Variants in NCF2 observed in about 807,000 individuals in gnomAD.
The protein encoded by NCF2 is neutrophil cytosol factor 2.
In NCF2, 45 loss-of-function variants were observed where a neutral mutation model predicts 70.9. The ratio of observed to expected loss-of-function variants is 0.63; its 90% CI spans 0.50 to 0.81. The LOEUF (loss-of-function observed/expected upper bound fraction) is 0.81. NCF2 is among the 40% of genes least tolerant of loss of function. NCF2 has a pLI of 0.00. For missense variants in NCF2, 522 were observed against 631.6 expected, an observed-to-expected ratio of 0.83 and a Z score of 1.86; for synonymous variants, 203 against 233.6, an observed-to-expected ratio of 0.87 and a Z score of 1.19.
Position 183,560,162 on chromosome 1 carries a change from A to C in NCF2, c.1402T>G (p.Tyr468Asp). ...AGGTCCTCTGGTTGGGTAGCCTCATAACTGAAGAGTGCCTCCACTTGGCTG... is the reference window on the plus strand; with the variant it reads ...AGGTCCTCTGGTTGGGTAGCCTCATCACTGAAGAGTGCCTCCACTTGGCTG... Reference protein sequence around the residue: ...KGSQVEALFSYEATQPEDLEF... With the variant: ...KGSQVEALFSDEATQPEDLEF... The change falls in exon 14 of 15, where the codon TAT (tyrosine) becomes GAT (aspartate). Residue 468 changes from tyrosine (Y) to aspartate (D), a missense_variant. Coordinates refer to ENST00000367535, the MANE Select transcript of NCF2 (RefSeq NM_000433.4). 2 of 1,614,196 alleles carry C rather than the reference A, an allele frequency of 1.2e-6. No individual in the cohort carries two copies. Among genetic ancestry groups the C allele is most frequent in the Non-Finnish European group, 1.7e-6 (2 of 1,180,034 alleles).
intron 13 of NCF2, 57 bp from the exon 14 acceptor site, chr1:183,560,330 C>T: frequency 6.3e-7 from 1 of 1,584,042 alleles, no homozygotes; most frequent in Admixed American, 1.7e-5. Context: ...GAACACTGAA[C>T]ATCACTAAAG....
chr1:183,564,846 T>C (rs1222572462), intron 10 of NCF2, among the ~76,000 whole-genome samples: 1 of 152,258 alleles, frequency 6.6e-6, no homozygotes, highest in Admixed American at 6.5e-5. Flanking sequence ...CTAGATACCA[T>C]GATTCTATTG....
At chr1:183,579,745 A>G (rs1158171048) in intron 2 of NCF2, among the ~76,000 whole-genome samples, 2 of 125,806 alleles carry the variant, frequency 1.6e-5, no homozygotes, top group Non-Finnish European at 3.3e-5. Context: ...TCTCAAAAAA[A>G]AAAAAAAAAA....
At chr1:183,599,447 T>TTTCTTTCC in the NCF2 span, among the ~76,000 whole-genome samples, 2 of 113,142 alleles carry the variant, frequency 1.8e-5, no homozygotes, top group Admixed American at 2.0e-4. Flanking sequence ...TCTTTCTTTC[T>TTTCTTTCC]TTCTTTCTTT....
At chr1:183,565,879 C>T in intron 9 of NCF2, 100 bp from the exon 10 acceptor site, 1 of 1,151,784 alleles carries the variant, frequency 8.7e-7, no homozygotes, top group Non-Finnish European at 1.3e-6. Context: ...TGTAAAGGAG[C>T]CACATGCAGA....
intron 14 of NCF2, among the ~76,000 whole-genome samples, chr1:183,559,342 CAG>C (rs1487992841): frequency 6.6e-6 from 1 of 152,170 alleles, no homozygotes; most frequent in Non-Finnish European, 1.5e-5. Context: ...TCATTACAAA[CAG>C]AATCAAGAAA....
Position 183,560,161 on chromosome 1 carries a change from T to C in NCF2, c.1403A>G (p.Tyr468Cys), listed in dbSNP as rs1156859129. ...CAGGTCCTCTGGTTGGGTAGCCTCA[T>C]AACTGAAGAGTGCCTCCACTTGGCT... The part of the protein sequence containing the change: ...KGSQVEALFS[Y>C]EATQPEDLEF... The change falls in exon 14 of 15, where the codon TAT becomes TGT. Residue 468 changes from tyrosine (Y) to cysteine (C), a missense_variant. Transcript: ENST00000367535. The C allele has an allele frequency of 1.9e-6, 3 of 1,614,196 alleles. No individual in the cohort carries two copies. The South Asian group carries it at 3.3e-5, about 18-fold the overall frequency.
the NCF2 span, among the ~76,000 whole-genome samples, chr1:183,596,397 T>C: frequency 1.3e-5 from 2 of 151,742 alleles, no homozygotes; most frequent in Non-Finnish European, 2.9e-5. Flanking sequence ...CAGTAAAAGT[T>C]TGATGAATAA....
chr1:183,560,354 G>T, intron 13 of NCF2, 81 bp from the exon 14 acceptor site: 3 of 1,483,556 alleles, frequency 2.0e-6, no homozygotes, highest in Non-Finnish European at 2.8e-6. Flanking sequence ...ACAGCGAAAT[G>T]TCAAAGTAGA....
At chr1:183,568,452 C>T (rs531023940) in intron 7 of NCF2, among the ~76,000 whole-genome samples, 2 of 152,026 alleles carry the variant, frequency 1.3e-5, no homozygotes, top group African/African-American at 2.4e-5. Flanking sequence ...CAGGCATGAG[C>T]CACACACCTG....
At chr1:183,560,856 CATT>C (rs1410736353) in intron 13 of NCF2, among the ~76,000 whole-genome samples, 1 of 152,160 alleles carries the variant, frequency 6.6e-6, no homozygotes, top group Non-Finnish European at 1.5e-5. Context: ...GTAGAATGGG[CATT>C]ATTATTTCTT....
At chr1:183,587,621 A>G (rs1363820394) in intron 1 of NCF2, among the ~76,000 whole-genome samples, 1 of 147,592 alleles carries the variant, frequency 6.8e-6, no homozygotes, top group Non-Finnish European at 1.5e-5. Flanking sequence ...AAAAAAAAAA[A>G]AAAATCCAAT....
chr1:183,586,043 T>C (rs1049414867), intron 2 of NCF2, among the ~76,000 whole-genome samples: 3 of 152,224 alleles, frequency 2.0e-5, no homozygotes, highest in Non-Finnish European at 4.4e-5. Flanking sequence ...TGTTTTTAAA[T>C]TTAACATCTG....
At chr1:183,569,064 T>C in intron 7 of NCF2, 78 bp downstream of exon 7, 1 of 1,401,848 alleles carries the variant, frequency 7.1e-7, no homozygotes, top group Non-Finnish European at 1.0e-6. Flanking sequence ...CCCACCTTCA[T>C]CTTCTTCCCT....
chr1:183,599,725 G>C, the NCF2 span, among the ~76,000 whole-genome samples: 3 of 151,754 alleles, frequency 2.0e-5, no homozygotes, highest in East Asian at 5.8e-4. Flanking sequence ...CTAATTTTTT[G>C]TATTTTTAGT....
chr1:183,560,040 G>A, intron 14 of NCF2, 56 bp downstream of exon 14: 1 of 1,553,452 alleles, frequency 6.4e-7, no homozygotes, highest in Non-Finnish European at 8.9e-7. Context: ...CTCTGCCCTT[G>A]ACCTTGTTTC....
At position 183,590,301 on chromosome 1, in the gene NCF2, C is replaced by T; in HGVS notation, c.29G>A (p.Trp10Ter). 1 of 1,614,062 alleles carries T rather than the reference C, an allele frequency of 6.2e-7. No homozygotes were observed. The highest frequency in any genetic ancestry group is 8.5e-7 in the Non-Finnish European group (1 of 1,180,004). MSLVEAISL[W>*]NEGVLAADKK... ...GTCCGCTGCCAGCACCCCTTCATTCCAGAGGCTGATGGCCTCCACCAGGGA... is the reference window on the plus strand; with the variant it reads ...GTCCGCTGCCAGCACCCCTTCATTCTAGAGGCTGATGGCCTCCACCAGGGA... The change falls in exon 1 of 15, where the codon TGG becomes TAG. Residue 10 changes from tryptophan to a stop codon, truncating the protein, a stop_gained. Transcript: ENST00000367535. LOFTEE classifies it high-confidence loss of function.
chr1:183,581,369 G>A (rs1381368860), intron 2 of NCF2, among the ~76,000 whole-genome samples: 2 of 151,484 alleles, frequency 1.3e-5, no homozygotes, highest in Admixed American at 1.3e-4. Context: ...TGAGGTTTGA[G>A]CCTGCAGTTC....
chr1:183,586,270 G>T (rs112308824), intron 2 of NCF2, among the ~76,000 whole-genome samples: 3 of 152,198 alleles, frequency 2.0e-5, no homozygotes, highest in African/African-American at 7.2e-5. Context: ...GGAGGCGGAG[G>T]CTGCGGTGAG....
Sources: gnomAD v4.1 joint callset for allele counts (sites outside exome capture counted in the v4.1 genomes callset) on GRCh38, gnomAD v4.1.1 for gene constraint, MANE v1.5 for transcripts, NCBI Gene and HGNC (gene_info 2026-07-23, HGNC 2026-07-21) for gene names.